The following IQSEC2 variants were observed in gnomAD, a reference collection of about 807,000 sequenced individuals.
The protein encoded by IQSEC2 is IQ motif and SEC7 domain-containing protein 2.
IQSEC2 carries 6 observed loss-of-function variants against 74.6 expected under a neutral mutation model. The ratio of observed to expected loss-of-function variants is 0.08; its 90% CI spans 0.04 to 0.16. The LOEUF is 0.16. Ranked by LOEUF, IQSEC2 falls within the 10% of genes least tolerant of loss-of-function variation. IQSEC2 has a pLI of 1.00. For missense variants in IQSEC2, 734 were observed against 1,306.2 expected (o/e 0.56, Z 6.75); for synonymous variants, 494 against 544.5 (o/e 0.91, Z 1.29).
rs781816119 is a variant in IQSEC2, at chrX:53,238,966, C to G, written c.3115+229G>C. On this transcript the variant is annotated intron_variant, in intron 11 of 14. Coordinates refer to ENST00000642864, the MANE Select transcript of IQSEC2 (RefSeq NM_001111125.3). ...GCATGATCACCGTCTCTTTGGCCCA[C>G]CAGAGAACACATGCACTGTGGTTCT... Among the ~76,000 whole-genome samples the G allele has an allele frequency of 5.4e-5, 6 of 111,365 alleles. No individual in the cohort carries two copies. The Admixed American group carries it at 5.8e-4, about 11-fold the overall frequency.
chrX:53,271,513 T>C (rs1556868674), intron 2 of IQSEC2, among the ~76,000 whole-genome samples: 3 of 111,706 alleles, frequency 2.7e-5, no homozygotes, highest in African/African-American at 9.8e-5. Context: ...CCTCACCTTA[T>C]ACATCCACAA....
intron 1 of IQSEC2, among the ~76,000 whole-genome samples, chrX:53,295,088 G>T (rs1464078006): frequency 9.0e-6 from 1 of 111,479 alleles, no homozygotes; most frequent in Non-Finnish European, 1.9e-5. Context: ...CTCCCAAATT[G>T]CTGGGATTAC....
intron 12 of IQSEC2, 47 bp from the exon 13 acceptor site, chrX:53,236,542 TG>T: frequency 8.8e-7 from 1 of 1,138,121 alleles, no homozygotes; most frequent in Non-Finnish European, 1.2e-6. Context: ...GGAACAGGAG[TG>T]AGAGCCCATC....
intron 1 of IQSEC2, among the ~76,000 whole-genome samples, chrX:53,318,933 C>T (rs1254899647): frequency 1.8e-5 from 2 of 113,083 alleles, no homozygotes; most frequent in African/African-American, 3.2e-5. Context: ...TCCTCCCGGA[C>T]TGAGCTCGCA....
At chrX:53,315,404 C>G (rs139794227) in intron 1 of IQSEC2, among the ~76,000 whole-genome samples, 2 of 111,383 alleles carry the variant, frequency 1.8e-5, no homozygotes. Context: ...AACAAACAAA[C>G]GAACACACCC....
intron 2 of IQSEC2, among the ~76,000 whole-genome samples, chrX:53,282,984 G>A (rs1482140425): frequency 3.6e-5 from 4 of 111,124 alleles, no homozygotes; most frequent in African/African-American, 1.3e-4. Flanking sequence ...GGTGGGTGGG[G>A]GACGGTGGAT....
intron 2 of IQSEC2, among the ~76,000 whole-genome samples, chrX:53,268,751 T>G (rs1418713064): frequency 2.7e-5 from 3 of 112,122 alleles, no homozygotes; most frequent in African/African-American, 9.7e-5. Flanking sequence ...TCCCACCATA[T>G]GGCCTCACCA....
chrX:53,310,890 G>A (rs1440380431), intron 1 of IQSEC2, among the ~76,000 whole-genome samples: 1 of 108,856 alleles, frequency 9.2e-6, no homozygotes, highest in Non-Finnish European at 1.9e-5. Context: ...GGAGGCCGAG[G>A]TGGGCGGATC....
chrX:53,313,002 T>C (rs2075335974), intron 1 of IQSEC2, among the ~76,000 whole-genome samples: 1 of 112,297 alleles, frequency 8.9e-6, no homozygotes, highest in East Asian at 2.8e-4. Context: ...GTGATGATAG[T>C]GATACATTTA....
intron 1 of IQSEC2, among the ~76,000 whole-genome samples, chrX:53,299,238 A>T (rs1326565752): frequency 5.4e-5 from 6 of 110,938 alleles, no homozygotes; most frequent in Admixed American, 9.7e-5. Context: ...AGTTTACATT[A>T]AAATAAAATA....
intron 2 of IQSEC2, among the ~76,000 whole-genome samples, chrX:53,262,484 G>A (rs1226287520): frequency 1.8e-5 from 2 of 112,070 alleles, no homozygotes; most frequent in Admixed American, 1.9e-4. Flanking sequence ...GGGGGAACGG[G>A]ACGGACTGGA....
At chrX:53,287,422 A>G (rs2075043972) in intron 2 of IQSEC2, among the ~76,000 whole-genome samples, 1 of 112,683 alleles carries the variant, frequency 8.9e-6, no homozygotes, top group African/African-American at 3.2e-5. Flanking sequence ...ACGCTCACAC[A>G]CACTGACATT....
chrX:53,295,507 G>A (rs2075141994), intron 1 of IQSEC2, among the ~76,000 whole-genome samples: 1 of 105,392 alleles, frequency 9.5e-6, no homozygotes, highest in Admixed American at 1.1e-4. Flanking sequence ...GGGAGGCTGA[G>A]GCAGGAGAAT....
chrX:53,236,677 A>C (rs1016093471), intron 12 of IQSEC2, among the ~76,000 whole-genome samples, 182 bp from the exon 13 acceptor site: 1 of 110,502 alleles, frequency 9.0e-6, no homozygotes, highest in Non-Finnish European at 1.9e-5. Context: ...CTGCAGCTCC[A>C]TCACCGAAGC....
At chrX:53,305,829 T>C (rs903594866) in intron 1 of IQSEC2, among the ~76,000 whole-genome samples, 5 of 111,308 alleles carry the variant, frequency 4.5e-5, no homozygotes, top group Admixed American at 9.6e-5. Context: ...ATCTGTCTCC[T>C]GTCTCCCCAC....
intron 2 of IQSEC2, among the ~76,000 whole-genome samples, chrX:53,271,649 G>A (rs1363298107): frequency 1.8e-5 from 2 of 111,950 alleles, no homozygotes; most frequent in African/African-American, 3.3e-5. Flanking sequence ...GTGCAACACC[G>A]TAGCCCTGCT....
At chrX:53,239,863 C>G (rs1350490370) in intron 10 of IQSEC2, among the ~76,000 whole-genome samples, 1 of 112,332 alleles carries the variant, frequency 8.9e-6, no homozygotes, top group East Asian at 2.8e-4. Context: ...GCAAACACCT[C>G]AGGCGGTCTG....
chrX:53,239,124 G>T, intron 11 of IQSEC2, 71 bp downstream of exon 11: 1 of 817,206 alleles, frequency 1.2e-6, no homozygotes, highest in South Asian at 2.1e-5. Flanking sequence ...ACTGGAGCTG[G>T]TATAGATGAC....
chrX:53,256,483 G>A (rs1258658725), intron 2 of IQSEC2, among the ~76,000 whole-genome samples: 5 of 107,328 alleles, frequency 4.7e-5, no homozygotes, highest in African/African-American at 6.9e-5. Context: ...TGTCCCCAAC[G>A]CAGTGCTCGC....
Sources: gnomAD v4.1 joint callset for allele counts (sites outside exome capture counted in the v4.1 genomes callset) on GRCh38, gnomAD v4.1.1 for gene constraint, MANE v1.5 for transcripts, NCBI Gene and HGNC (gene_info 2026-07-23, HGNC 2026-07-21) for gene names.